CUBN: variants seen among roughly 807,000 people sequenced by gnomAD.
CUBN encodes cubilin.
CUBN carries 282 observed loss-of-function variants against 405.3 expected under a neutral mutation model. That is an observed-to-expected ratio of 0.70 (90% CI 0.63 to 0.77). The LOEUF is 0.77. Ranked by LOEUF, CUBN falls within the 30% of genes least tolerant of loss-of-function variation. CUBN has a pLI of 0.00. For missense variants in CUBN, 4,514 were observed against 4,475.2 expected (o/e 1.01, Z -0.25); for synonymous variants, 1,684 against 1,617.0 (o/e 1.04, Z -0.99).
chr10:17,091,747 T>C (rs1836264317), intron 14 of CUBN, among the ~76,000 whole-genome samples: 1 of 152,206 alleles, frequency 6.6e-6, no homozygotes, highest in Admixed American at 6.6e-5. Context: ...GATTATTTTT[T>C]ACCACATAAA....
At chr10:16,929,389 T>G (rs904097795) in intron 40 of CUBN, among the ~76,000 whole-genome samples, 1 of 152,152 alleles carries the variant, frequency 6.6e-6, no homozygotes, top group Non-Finnish European at 1.5e-5. Flanking sequence ...AATATGTTGT[T>G]TTTTTCTCTT....
In CUBN at chr10:17,102,252, C is replaced by CTTATTTATTTAT. The variant is rs201370313; in HGVS notation, c.1530+872_1530+873insATAAATAAATAA. ...ATTTCATCTATAAAAGGAGGATCCT[C>CTTATTTATTTAT]CTATTTATTTATTTATTTATTTATT... On this transcript the variant is annotated intron_variant, in intron 13 of 66. Coordinates refer to ENST00000377833, the MANE Select transcript of CUBN (RefSeq NM_001081.4). 3.4e-4 allele frequency among the ~76,000 whole-genome samples: 50 copies of CTTATTTATTTAT among 145,114 alleles called. 1 individual carries two copies. Among genetic ancestry groups the CTTATTTATTTAT allele is most frequent in the East Asian group, 1.6e-3 (8 of 4,888 alleles).
chr10:17,042,784 C>T (rs1019352387), intron 26 of CUBN, among the ~76,000 whole-genome samples: 4 of 152,012 alleles, frequency 2.6e-5, no homozygotes, highest in Admixed American at 2.0e-4. Context: ...AAAATTCATA[C>T]ATAATCAAGG....
chr10:16,907,180 T>G (rs545539777), intron 49 of CUBN, among the ~76,000 whole-genome samples: 7 of 152,204 alleles, frequency 4.6e-5, no homozygotes, highest in Admixed American at 3.9e-4. Context: ...CTCTAGGAGG[T>G]AGATGGTTTC....
chr10:16,967,311 T>G (rs760155187), intron 31 of CUBN, among the ~76,000 whole-genome samples: 5 of 152,236 alleles, frequency 3.3e-5, no homozygotes, highest in Admixed American at 6.5e-5. Context: ...TTGCAGTTGT[T>G]GCGAGCACTG....
intron 56 of CUBN, among the ~76,000 whole-genome samples, chr10:16,880,925 C>T (rs1840650758): frequency 6.6e-6 from 1 of 151,982 alleles, no homozygotes; most frequent in Non-Finnish European, 1.5e-5. Context: ...TAATTAGAAG[C>T]AATATGATGT....
At chr10:17,054,312 C>A (rs1455097058) in intron 22 of CUBN, among the ~76,000 whole-genome samples, 1 of 129,916 alleles carries the variant, frequency 7.7e-6, no homozygotes, top group Non-Finnish European at 1.6e-5. Flanking sequence ...GCCTGGGCAA[C>A]GAGAGTGAAA....
At chr10:17,089,361 T>A (rs1281083879) in intron 14 of CUBN, among the ~76,000 whole-genome samples, 1 of 152,116 alleles carries the variant, frequency 6.6e-6, no homozygotes, top group African/African-American at 2.4e-5. Context: ...AGGAAAAGAT[T>A]AATGACAAAA....
intron 33 of CUBN, among the ~76,000 whole-genome samples, chr10:16,950,834 C>G (rs1034375694): frequency 6.6e-6 from 1 of 152,154 alleles, no homozygotes; most frequent in Non-Finnish European, 1.5e-5. Context: ...GTGTTCCTCG[C>G]AGAAGCATTT....
At chr10:16,941,281 T>C (rs548513860) in intron 36 of CUBN, among the ~76,000 whole-genome samples, 1 of 146,864 alleles carries the variant, frequency 6.8e-6, no homozygotes, top group South Asian at 2.1e-4. Context: ...CAAATGGTGA[T>C]GCAATAACGG....
At chr10:16,932,596 T>C (rs1842392064) in intron 40 of CUBN, among the ~76,000 whole-genome samples, 1 of 152,194 alleles carries the variant, frequency 6.6e-6, no homozygotes, top group Non-Finnish European at 1.5e-5. Context: ...TATATTCTTC[T>C]TATTATTATT....
Position 17,123,594 on chromosome 10 carries a change from C to T in CUBN, c.483G>A (p.Gln161=), listed in dbSNP as rs371508247. 5.4e-5 allele frequency: 87 copies of T among 1,612,762 alleles called. No homozygotes were observed. Among genetic ancestry groups the T allele is most frequent in the Non-Finnish European group, 7.0e-5 (82 of 1,178,948 alleles). The change falls in exon 5 of 67, where the codon CAG becomes CAA. Residue 161 remains glutamine (Q), a synonymous_variant. Transcript: ENST00000377833. ...CAAAGAGTAGATGACTCACCTTCCACTGTGGGGGACAGATACAAAAAAAGG... is the reference window on the plus strand; with the variant it reads ...CAAAGAGTAGATGACTCACCTTCCATTGTGGGGGACAGATACAAAAAAAGG... ...HDSFFCICPP[Q]WKGPLCSADV...
At chr10:16,980,137 A>G (rs1269203199) in intron 31 of CUBN, among the ~76,000 whole-genome samples, 1 of 152,256 alleles carries the variant, frequency 6.6e-6, no homozygotes, top group African/African-American at 2.4e-5. Flanking sequence ...CAAAACCACA[A>G]TGAGATACCA....
At chr10:17,124,579 C>T (rs1199460882) in intron 4 of CUBN, among the ~76,000 whole-genome samples, 1 of 151,886 alleles carries the variant, frequency 6.6e-6, no homozygotes, top group Non-Finnish European at 1.5e-5. Context: ...CAGGCGCCCG[C>T]CACCACGCCC....
At chr10:16,906,129 G>A (rs1040726758) in intron 50 of CUBN, 74 bp downstream of exon 50, 6 of 1,195,256 alleles carry the variant, frequency 5.0e-6, no homozygotes, top group Admixed American at 1.8e-5. Flanking sequence ...AACAACAACA[G>A]CAGCGACAAC....
chr10:16,900,853 G>T lies in CUBN; in HGVS notation c.8185-3C>A. 1 of 1,604,800 alleles carries T rather than the reference G, an allele frequency of 6.2e-7. No individual in the cohort carries two copies. The highest frequency in any genetic ancestry group is 8.5e-7 in the Non-Finnish European group (1 of 1,173,186). On this transcript the variant is annotated splice_polypyrimidine_tract_variant and splice_region_variant and intron_variant, in intron 52 of 66. Transcript: ENST00000377833. Reference sequence around the variant, plus strand: ...ATATCAAAGTCACTAAATGTGAGCTGCAGGAGAAAAAAGAAAATGGTTGTC... The same window carrying T: ...ATATCAAAGTCACTAAATGTGAGCTTCAGGAGAAAAAAGAAAATGGTTGTC...
intron 54 of CUBN, among the ~76,000 whole-genome samples, chr10:16,891,884 C>A (rs2669152): frequency 0.51 from 73,512 of 144,280 alleles, 19,412 homozygotes; most frequent in East Asian, 0.67. Context: ...ACTATTGCTA[C>A]ACAATCTGCA....
intron 22 of CUBN, among the ~76,000 whole-genome samples, chr10:17,059,301 C>T (rs1466959613): frequency 6.6e-6 from 1 of 152,082 alleles, no homozygotes; most frequent in African/African-American, 2.4e-5. Flanking sequence ...TGAGAAACAT[C>T]TATAACCTTC....
chr10:16,842,049 C>CT (rs146336877), intron 60 of CUBN, among the ~76,000 whole-genome samples: 76,151 of 144,056 alleles, frequency 0.53, 24,072 homozygotes, highest in Middle Eastern at 0.73. Context: ...ACATATTTAG[C>CT]TTTTTTTTTT....
Sources: gnomAD v4.1 joint callset for allele counts (sites outside exome capture counted in the v4.1 genomes callset) on GRCh38, gnomAD v4.1.1 for gene constraint, MANE v1.5 for transcripts, NCBI Gene and HGNC (gene_info 2026-07-23, HGNC 2026-07-21) for gene names.